The following P2RY12 variants were observed in gnomAD, a reference collection of about 807,000 sequenced individuals.
P2RY12 encodes the protein P2Y purinoceptor 12.
P2RY12 carries 3 observed loss-of-function variants against 4.5 expected under a neutral mutation model. The observed-to-expected ratio is 0.67, with a 90% CI of 0.31 to 1.74. The LOEUF (loss-of-function observed/expected upper bound fraction) is 1.74. Ranked by LOEUF, P2RY12 falls within the 40% of genes most tolerant of loss-of-function variation. The pLI, the probability that P2RY12 is intolerant of heterozygous loss-of-function variation, is 0.09. For missense variants in P2RY12, 356 were observed against 407.8 expected (o/e 0.87, Z 1.09); for synonymous variants, 148 against 154.1 (o/e 0.96, Z 0.29).
chr3:151,371,962 T>C (rs748647852), intron 1 of P2RY12, among the ~76,000 whole-genome samples: 5 of 152,226 alleles, frequency 3.3e-5, no homozygotes, highest in Admixed American at 1.3e-4. Context: ...TAAGGTTTTC[T>C]AATTTGTATG....
intron 1 of P2RY12, among the ~76,000 whole-genome samples, chr3:151,361,747 C>T (rs2150082087): frequency 6.6e-6 from 1 of 152,218 alleles, no homozygotes; most frequent in Non-Finnish European, 1.5e-5. Context: ...TCACCCCACT[C>T]AGAACATTCT....
At chr3:151,362,019 A>AAAGGATGTT (rs1754669168) in intron 1 of P2RY12, among the ~76,000 whole-genome samples, 1 of 152,114 alleles carries the variant, frequency 6.6e-6, no homozygotes, top group Admixed American at 6.6e-5. Flanking sequence ...GGAGGTAGGG[A>AAAGGATGTT]AAGGATGTTC....
At chr3:151,377,302 G>A (rs1185790245) in intron 1 of P2RY12, 3 of 730,102 alleles carry the variant, frequency 4.1e-6, no homozygotes, top group Non-Finnish European at 6.6e-6. Flanking sequence ...CTTGTAAGCA[G>A]GGATTATTAT....
chr3:151,366,677 C>G (rs1415587338), intron 1 of P2RY12, among the ~76,000 whole-genome samples: 2 of 152,048 alleles, frequency 1.3e-5, no homozygotes, highest in Non-Finnish European at 2.9e-5. Context: ...ATCTTTACAC[C>G]TGCCTCTCAG....
chr3:151,361,132 T>A (rs907313731), intron 1 of P2RY12, among the ~76,000 whole-genome samples: 1 of 152,174 alleles, frequency 6.6e-6, no homozygotes, highest in African/African-American at 2.4e-5. Flanking sequence ...TTAATATCCT[T>A]TGGGCATTAC....
intron 1 of P2RY12, chr3:151,376,930 C>T (rs886950734): frequency 2.1e-5 from 34 of 1,607,682 alleles, no homozygotes; most frequent in Non-Finnish European, 2.7e-5. Context: ...AGCAAAAACA[C>T]GTTGATGTTT....
chr3:151,338,324 T>TTTC lies in P2RY12; in HGVS notation c.519_521dup (p.Lys174dup). The TTTC allele has an allele frequency of 6.2e-7, 1 of 1,614,132 alleles. No individual in the cohort carries two copies. Among genetic ancestry groups the TTTC allele is most frequent in the Non-Finnish European group, 8.5e-7 (1 of 1,180,002 alleles). On this transcript the variant is annotated inframe_insertion, in exon 3 of 3. Coordinates refer to ENST00000302632, the MANE Select transcript of P2RY12 (RefSeq NM_022788.5). The stretch of plus-strand genomic sequence containing the variant: ...CGAACTCTGATTTAAGGAAAGAGCA[T>TTTC]TTCTTCACATTCTTGTCTCTCGGCT...
chr3:151,355,743 A>G (rs1753838315), intron 1 of P2RY12, among the ~76,000 whole-genome samples: 2 of 152,226 alleles, frequency 1.3e-5, no homozygotes, highest in Admixed American at 6.5e-5. Context: ...TTCTTTGTAC[A>G]TAGTTTTATA....
chr3:151,345,190 T>G (rs980358311), intron 1 of P2RY12, among the ~76,000 whole-genome samples: 2 of 152,166 alleles, frequency 1.3e-5, no homozygotes, highest in Admixed American at 6.5e-5. Context: ...ACATGGGAGA[T>G]GACACATTCA....
rs185223811 is a variant in P2RY12, at chr3:151,337,220, A to T, written c.*597T>A. On this transcript the variant is annotated 3_prime_UTR_variant, in exon 3 of 3. Transcript: ENST00000302632. ...GGTCTTCTTTAAATCTTTATCTTCT[A>T]AATAAACATAAAAAATTAAGTCCAA... 6.6e-6 allele frequency among the ~76,000 whole-genome samples: 1 copy of T among 152,202 alleles called. No homozygotes were observed. The highest frequency in any genetic ancestry group is 2.4e-5 in the African/African-American group (1 of 41,572).
intron 1 of P2RY12, among the ~76,000 whole-genome samples, chr3:151,361,643 G>T (rs1754625710): frequency 6.6e-6 from 1 of 152,094 alleles, no homozygotes; most frequent in South Asian, 2.1e-4. Flanking sequence ...CTCTTATCCA[G>T]AATTTGTATT....
intron 1 of P2RY12, among the ~76,000 whole-genome samples, chr3:151,370,400 A>G (rs554589286): frequency 1.3e-5 from 2 of 152,172 alleles, no homozygotes; most frequent in South Asian, 4.1e-4. Flanking sequence ...GTTTTGGGCT[A>G]TAATCTTGCT....
At chr3:151,376,979 A>G in intron 1 of P2RY12, 1 of 1,613,152 alleles carries the variant, frequency 6.2e-7, no homozygotes. Flanking sequence ...GTATTCTTAT[A>G]TCTAACTCTA....
chr3:151,344,257 A>G (rs574585665), intron 1 of P2RY12, among the ~76,000 whole-genome samples: 16 of 151,516 alleles, frequency 1.1e-4, no homozygotes, highest in East Asian at 1.9e-4. Flanking sequence ...TCCGCCTCCT[A>G]TTTTCTTGAT....
intron 1 of P2RY12, among the ~76,000 whole-genome samples, chr3:151,348,365 A>C (rs66825574): frequency 2.2e-3 from 39 of 17,720 alleles, no homozygotes; most frequent in African/African-American, 3.8e-3. Context: ...AAAAAAAAAG[A>C]AAAAAGAAAT....
intron 1 of P2RY12, among the ~76,000 whole-genome samples, chr3:151,364,282 A>G (rs1404513690): frequency 6.6e-6 from 1 of 152,242 alleles, no homozygotes; most frequent in Non-Finnish European, 1.5e-5. Flanking sequence ...TATCTGATTC[A>G]GACGTAACTC....
chr3:151,369,549 G>A, intron 1 of P2RY12: 1 of 1,587,136 alleles, frequency 6.3e-7, no homozygotes, highest in Non-Finnish European at 8.6e-7. Flanking sequence ...TATGATGCTT[G>A]GTAAGATTAT....
intron 1 of P2RY12, among the ~76,000 whole-genome samples, chr3:151,348,448 C>A (rs1752830281): frequency 6.6e-6 from 1 of 151,890 alleles, no homozygotes; most frequent in African/African-American, 2.4e-5. Context: ...AGATGCGCAG[C>A]CAGCTCTAGG....
intron 1 of P2RY12, chr3:151,357,312 G>T (rs145165548): frequency 6.2e-7 from 1 of 1,613,874 alleles, no homozygotes; most frequent in African/African-American, 1.3e-5. Context: ...CATCGTGGCT[G>T]TTCTCAGGCG....
Sources: allele counts gnomAD v4.1 joint callset (sites outside exome capture counted in the v4.1 genomes callset), GRCh38; gene constraint gnomAD v4.1.1; transcripts MANE v1.5; gene names NCBI Gene and HGNC (gene_info 2026-07-23, HGNC 2026-07-21).